TCF7L2: variants seen among roughly 807,000 people sequenced by gnomAD.
The protein encoded by TCF7L2 is transcription factor 7-like 2.
TCF7L2 carries 23 observed loss-of-function variants against 77.9 expected under a neutral mutation model. The ratio of observed to expected loss-of-function variants is 0.30; its 90% confidence interval spans 0.21 to 0.42. The LOEUF (loss-of-function observed/expected upper bound fraction) is 0.42. Among genes scored for constraint, TCF7L2 ranks in the 10% least tolerant of loss-of-function variants. The pLI, the probability that TCF7L2 is intolerant of heterozygous loss-of-function variation, is 1.00. For synonymous variants in TCF7L2, 413 were observed against 340.2 expected (o/e 1.21, Z -2.36); for missense variants, 654 against 793.1 (o/e 0.82, Z 2.11).
intron 4 of TCF7L2, among the ~76,000 whole-genome samples, chr10:113,034,118 A>G (rs912396270): frequency 1.3e-5 from 2 of 152,226 alleles, no homozygotes; most frequent in Non-Finnish European, 2.9e-5. Flanking sequence ...TTAGAAAGAG[A>G]CAATCAGGCC....
At chr10:112,952,798 A>G (rs1353931740) in intron 3 of TCF7L2, among the ~76,000 whole-genome samples, 1 of 151,822 alleles carries the variant, frequency 6.6e-6, no homozygotes, top group Non-Finnish European at 1.5e-5. Context: ...CAACCCTGAC[A>G]TTTGTTAATA....
At position 113,005,718 on chromosome 10, in the gene TCF7L2, A is replaced by G. The variant is rs367578755; in HGVS notation, c.451-34307A>G. On this transcript the variant is annotated intron_variant, in intron 4 of 13. Transcript: ENST00000627217. ...GCAAAGGGGTTGGCTGGGGGGGAGGAGGAAGTCATTCTCCAAGTGTTTGTC... is the reference window on the plus strand; with the variant it reads ...GCAAAGGGGTTGGCTGGGGGGGAGGGGGAAGTCATTCTCCAAGTGTTTGTC... Among the ~76,000 whole-genome samples, 460 of 151,986 alleles carry G rather than the reference A, an allele frequency of 3.0e-3. 4 individuals carry two copies. The highest frequency in any genetic ancestry group is 0.02 in the South Asian group (94 of 4,816).
chr10:113,047,398 C>T (rs188828670), intron 5 of TCF7L2, among the ~76,000 whole-genome samples: 7 of 152,272 alleles, frequency 4.6e-5, no homozygotes, highest in East Asian at 1.9e-4. Context: ...AACTCCACCC[C>T]GCCCTAGAAC....
intron 11 of TCF7L2, among the ~76,000 whole-genome samples, chr10:113,157,279 C>T (rs1401678571): frequency 2.0e-5 from 3 of 152,140 alleles, no homozygotes; most frequent in Non-Finnish European, 4.4e-5. Context: ...CCACCATGCC[C>T]GGCTAATTTT....
intron 5 of TCF7L2, among the ~76,000 whole-genome samples, chr10:113,063,608 G>A (rs1297555909): frequency 6.6e-6 from 1 of 152,088 alleles, no homozygotes; most frequent in African/African-American, 2.4e-5. Flanking sequence ...GACACCGGAT[G>A]GGACATTAAT....
chr10:112,960,656 A>C (rs1311802621), intron 3 of TCF7L2, among the ~76,000 whole-genome samples: 1 of 150,172 alleles, frequency 6.7e-6, no homozygotes, highest in African/African-American at 2.4e-5. Context: ...TGACTGGTGC[A>C]GGACAGTCCC....
In TCF7L2 at chr10:113,023,671, T is replaced by G. The variant is rs973456976; in HGVS notation, c.451-16354T>G. 2.6e-5 allele frequency among the ~76,000 whole-genome samples: 4 copies of G among 151,878 alleles called. No individual in the cohort carries two copies. The East Asian group carries it at 7.9e-4, about 30-fold the overall frequency. ...ATTGTTTTATTTTATTTTATTTATT[T>G]TTTAATTTTTTTTTTGAGACGGAGT... is the stretch of plus-strand genomic sequence containing the variant. On this transcript the variant is annotated intron_variant, in intron 4 of 13. Transcript: ENST00000627217.
intron 4 of TCF7L2, among the ~76,000 whole-genome samples, chr10:113,003,554 CT>C (rs1421109142): frequency 1.3e-5 from 2 of 152,164 alleles, no homozygotes; most frequent in Non-Finnish European, 2.9e-5. Context: ...GTTATCTTTG[CT>C]TCTTGTAACT....
chr10:113,127,946 C>T (rs2065930364), intron 5 of TCF7L2, among the ~76,000 whole-genome samples: 1 of 147,924 alleles, frequency 6.8e-6, no homozygotes, highest in Admixed American at 6.9e-5. Context: ...GTTGCCCATC[C>T]TGTTTGCCGC....
At chr10:113,049,166 G>A (rs567553170) in intron 5 of TCF7L2, among the ~76,000 whole-genome samples, 1 of 152,086 alleles carries the variant, frequency 6.6e-6, no homozygotes, top group Admixed American at 6.5e-5. Context: ...TAATTACTCA[G>A]GCCTCTGCCT....
rs539052334 is a variant in TCF7L2 at position 113,166,988 on chromosome 10, T to C, written c.*1016T>C. 1.1e-3 allele frequency: 259 copies of C among 231,438 alleles called. No individual in the cohort carries two copies. Among genetic ancestry groups the C allele is most frequent in the African/African-American group, 4.8e-3 (219 of 45,360 alleles). The allele number at this position is 231,438 out of a possible 1,614,324, so 14.3% of individuals were successfully genotyped here. On this transcript the variant is annotated 3_prime_UTR_variant, in exon 14 of 14. Coordinates refer to ENST00000627217, the MANE Select transcript of TCF7L2 (RefSeq NM_001146274.2). ...ACTGTCTGAGCAGCAGTGGGAACCA[T>C]CTTCGTTTCCCCTTTGAACTCCCAG...
chr10:113,151,618 A>T lies in TCF7L2; in HGVS notation c.1002-107A>T. 1 of 1,387,064 alleles carries T rather than the reference A, an allele frequency of 7.2e-7. No individual in the cohort carries two copies. The allele number at this position is 1,387,064 out of a possible 1,614,324, so 85.9% of individuals were successfully genotyped here. A position where few individuals can be genotyped will look rare whatever the true frequency, so the allele number is the denominator to read the frequency against. On this transcript the variant is annotated intron_variant, in intron 9 of 13. Transcript: ENST00000627217. This position sits in a 1 kb window ranked among gnomAD's most constrained non-coding sequence, Gnocchi z 5.2. ...ACTAAAAGCATGCTTTTTAATCCAAAACTGCTAGGCTTGGGGGTTATGAGA... is the reference window on the plus strand; with the variant it reads ...ACTAAAAGCATGCTTTTTAATCCAATACTGCTAGGCTTGGGGGTTATGAGA...
chr10:113,089,084 C>T (rs1211622501), intron 5 of TCF7L2, among the ~76,000 whole-genome samples: 1 of 152,110 alleles, frequency 6.6e-6, no homozygotes. Context: ...AAAATGCTAG[C>T]TAACTGGTTC....
intron 4 of TCF7L2, among the ~76,000 whole-genome samples, chr10:113,024,615 C>G (rs950319341): frequency 4.9e-5 from 7 of 141,482 alleles, no homozygotes; most frequent in African/African-American, 1.8e-4. Context: ...TTATATAAAC[C>G]CTTTTTTTTT....
At chr10:113,160,184 CTG>C (rs1195499287) in intron 12 of TCF7L2, among the ~76,000 whole-genome samples, 192 bp downstream of exon 14, 3 of 151,964 alleles carry the variant, frequency 2.0e-5, no homozygotes, top group African/African-American at 7.3e-5. Context: ...CAAAATGCCA[CTG>C]TAAAACAGCA....
At chr10:112,970,119 CTG>C (rs1232398856) in intron 4 of TCF7L2, among the ~76,000 whole-genome samples, 4 of 152,108 alleles carry the variant, frequency 2.6e-5, no homozygotes, top group East Asian at 1.9e-4. Flanking sequence ...CAAAAACAAA[CTG>C]TGTAAACCTT....
At chr10:113,091,094 G>T (rs2060351577) in intron 5 of TCF7L2, among the ~76,000 whole-genome samples, 1 of 152,092 alleles carries the variant, frequency 6.6e-6, no homozygotes, top group Non-Finnish European at 1.5e-5. Context: ...TAGAGACAGG[G>T]TTTTGCCATG....
intron 4 of TCF7L2, among the ~76,000 whole-genome samples, chr10:112,979,280 G>GT (rs2040031578): frequency 6.6e-6 from 1 of 152,190 alleles, no homozygotes; most frequent in African/African-American, 2.4e-5. Context: ...AGTGCTGGGT[G>GT]TAAGTGGAGG....
chr10:113,141,880 A>G (rs985049534), intron 6 of TCF7L2, among the ~76,000 whole-genome samples: 1 of 152,226 alleles, frequency 6.6e-6, no homozygotes, highest in Non-Finnish European at 1.5e-5. Context: ...ACAATATTCT[A>G]GGTATTGTTG....
Sources: allele counts gnomAD v4.1 joint callset (sites outside exome capture counted in the v4.1 genomes callset), GRCh38; gene constraint gnomAD v4.1.1; non-coding constraint Gnocchi (gnomAD v3.1); transcripts MANE v1.5; gene names NCBI Gene and HGNC (gene_info 2026-07-23, HGNC 2026-07-21).